The following ZBTB16 variants were observed in gnomAD, a reference collection of about 807,000 sequenced individuals.
ZBTB16 encodes the protein zinc finger and BTB domain-containing protein 16.
Under a neutral mutation model 56.8 loss-of-function variants are expected in ZBTB16, and 8 were observed. That is an observed-to-expected ratio of 0.14 (90% CI 0.08 to 0.25). ZBTB16 has a LOEUF of 0.25. Among genes scored for constraint, ZBTB16 ranks in the 10% least tolerant of loss-of-function variants. The pLI is 1.00. For synonymous variants in ZBTB16, 363 were observed against 368.5 expected (o/e 0.98, Z 0.17); for missense variants, 625 against 903.0 (o/e 0.69, Z 3.95).
intron 4 of ZBTB16, among the ~76,000 whole-genome samples, chr11:114,190,805 G>A (rs1029441374): frequency 1.1e-4 from 17 of 152,044 alleles, no homozygotes; most frequent in African/African-American, 3.1e-4. Flanking sequence ...ACAGAGTGAC[G>A]TGCCATGTAT....
chr11:114,071,438 C>G (rs1258972825), intron 2 of ZBTB16, among the ~76,000 whole-genome samples: 1 of 152,106 alleles, frequency 6.6e-6, no homozygotes. Flanking sequence ...CCGCTAATTG[C>G]TGGGAGGGAG....
intron 2 of ZBTB16, among the ~76,000 whole-genome samples, chr11:114,130,267 ACT>A (rs1410975211): frequency 6.6e-6 from 1 of 151,900 alleles, no homozygotes; most frequent in East Asian, 1.9e-4. Flanking sequence ...ATCCCTCTGG[ACT>A]CCGCCAGCTG....
At chr11:114,170,685 G>T (rs570528843) in intron 3 of ZBTB16, among the ~76,000 whole-genome samples, 1 of 152,140 alleles carries the variant, frequency 6.6e-6, no homozygotes, top group Non-Finnish European at 1.5e-5. Context: ...AAGTCTTCTG[G>T]GGTAGTTGGA....
At chr11:114,148,883 T>G (rs1327798247) in intron 2 of ZBTB16, among the ~76,000 whole-genome samples, 3 of 151,720 alleles carry the variant, frequency 2.0e-5, no homozygotes, top group Non-Finnish European at 4.4e-5. Flanking sequence ...TGTGTGTGTG[T>G]GTGTGTGTGT....
intron 2 of ZBTB16, among the ~76,000 whole-genome samples, chr11:114,148,349 C>T (rs1312444184): frequency 7.4e-6 from 1 of 135,518 alleles, no homozygotes; most frequent in Non-Finnish European, 1.6e-5. Context: ...TCCTTCCTTC[C>T]TTCCTTCCTT....
rs148373631 is a variant in ZBTB16, at chr11:114,094,385, T to C, written c.1268+29817T>C. The stretch of plus-strand genomic sequence containing the variant: ...AAAACAAAAACCAAACGAGTCCGTG[T>C]AAAGTCTAAGATGTTGGTTCATCTC... On this transcript the variant is annotated intron_variant, in intron 2 of 6. Transcript: ENST00000335953. Among the ~76,000 whole-genome samples the C allele has an allele frequency of 5.9e-3, 898 of 152,334 alleles. 7 individuals carry two copies. Among genetic ancestry groups the C allele is most frequent in the African/African-American group, 0.021 (867 of 41,574 alleles).
intron 3 of ZBTB16, among the ~76,000 whole-genome samples, chr11:114,157,967 A>T (rs1042582559): frequency 6.6e-6 from 1 of 151,638 alleles, no homozygotes; most frequent in Admixed American, 6.6e-5. Context: ...ACTTCCAGGC[A>T]TTTCTGCGTC....
chr11:114,165,591 G>A (rs949340085), intron 3 of ZBTB16, among the ~76,000 whole-genome samples: 1 of 152,146 alleles, frequency 6.6e-6, no homozygotes, highest in African/African-American at 2.4e-5. Flanking sequence ...GGGTTTGGTG[G>A]GGCCTGAAGC....
chr11:114,131,056 T>G (rs1215037015), intron 2 of ZBTB16, among the ~76,000 whole-genome samples: 1 of 152,186 alleles, frequency 6.6e-6, no homozygotes, highest in Non-Finnish European at 1.5e-5. Context: ...TGGTTATCAT[T>G]TGTGATTGCA....
intron 4 of ZBTB16, among the ~76,000 whole-genome samples, chr11:114,227,683 T>G (rs1944358553): frequency 6.6e-6 from 1 of 152,142 alleles, no homozygotes. Context: ...TAGTGTCCTT[T>G]GCAAGGCCCC....
chr11:114,088,070 C>T (rs1018261376), intron 2 of ZBTB16, among the ~76,000 whole-genome samples: 8 of 151,736 alleles, frequency 5.3e-5, no homozygotes, highest in African/African-American at 1.9e-4. Flanking sequence ...TCCTTGCATC[C>T]AGTTGGAAAT....
At chr11:114,249,771 C>CA (rs55732116) in intron 6 of ZBTB16, among the ~76,000 whole-genome samples, 30,133 of 59,350 alleles carry the variant, frequency 0.51, 7,025 homozygotes, top group South Asian at 0.65. Context: ...GACTCCGTCT[C>CA]AAAAAAAAAA....
chr11:114,141,963 C>T (rs556247951), intron 2 of ZBTB16, among the ~76,000 whole-genome samples: 46 of 152,280 alleles, frequency 3.0e-4, no homozygotes, highest in South Asian at 4.1e-4. Flanking sequence ...ATCATCTAAA[C>T]GTTGTTGGTA....
At chr11:114,144,512 C>A (rs867480610) in intron 2 of ZBTB16, among the ~76,000 whole-genome samples, 1 of 152,116 alleles carries the variant, frequency 6.6e-6, no homozygotes, top group African/African-American at 2.4e-5. Flanking sequence ...CGGCTGACTT[C>A]TTTTACAAAA....
intron 3 of ZBTB16, among the ~76,000 whole-genome samples, chr11:114,159,937 C>CGGGGGGGGGGGGG (rs140105293): frequency 5.3e-5 from 5 of 93,806 alleles, no homozygotes; most frequent in African/African-American, 6.6e-5. Context: ...GCGGGGGAGG[C>CGGGGGGGGGGGGG]GGGGGGGAGG....
intron 4 of ZBTB16, among the ~76,000 whole-genome samples, chr11:114,194,266 A>T (rs1189681761): frequency 1.3e-5 from 2 of 152,258 alleles, no homozygotes; most frequent in Non-Finnish European, 2.9e-5. Flanking sequence ...GGTGTTGTAC[A>T]GGTATTCTTG....
intron 2 of ZBTB16, among the ~76,000 whole-genome samples, chr11:114,149,321 T>C (rs529807683): frequency 6.6e-6 from 1 of 152,324 alleles, no homozygotes; most frequent in South Asian, 2.1e-4. Context: ...TACCACTGTT[T>C]TAAAGGTGAT....
At chr11:114,180,609 G>A (rs1036130750) in intron 3 of ZBTB16, among the ~76,000 whole-genome samples, 5 of 152,180 alleles carry the variant, frequency 3.3e-5, no homozygotes, top group African/African-American at 1.2e-4. Flanking sequence ...GTTTTAAATA[G>A]GGGGTAGTAG....
At position 114,063,627 on chromosome 11, in the gene ZBTB16, G is replaced by A. The variant is rs1476943835; in HGVS notation, c.327G>A (p.Leu109=). ...LDDLLYAAEI[L]EIEYLEEQCL... ...ACCTGCTGTATGCGGCCGAGATCCT[G>A]GAGATCGAGTACCTGGAGGAACAGT... The change falls in exon 2 of 7, where the codon CTG becomes CTA. Residue 109 remains leucine, a synonymous_variant. Coordinates refer to ENST00000335953, the MANE Select transcript of ZBTB16 (RefSeq NM_006006.6). The surrounding 1 kb of genome is among the most constrained non-coding windows in gnomAD (Gnocchi z 6.5). 1.2e-6 allele frequency: 2 copies of A among 1,614,156 alleles called. No individual in the cohort carries two copies. The highest frequency in any genetic ancestry group is 2.2e-5 in the East Asian group (1 of 44,886).
Sources: gnomAD v4.1 joint callset for allele counts (sites outside exome capture counted in the v4.1 genomes callset) on GRCh38, gnomAD v4.1.1 for gene constraint, Gnocchi (gnomAD v3.1) non-coding constraint, MANE v1.5 for transcripts, NCBI Gene and HGNC (gene_info 2026-07-23, HGNC 2026-07-21) for gene names.